BICRA: variants seen among roughly 807,000 people sequenced by gnomAD.
The protein encoded by BICRA is BRD4-interacting chromatin-remodeling complex-associated protein.
BICRA carries 31 observed loss-of-function variants against 96.9 expected under a neutral mutation model. That is an observed-to-expected ratio of 0.32 (90% CI 0.24 to 0.43). The LOEUF is 0.43. Among genes scored for constraint, BICRA ranks in the 20% least tolerant of loss-of-function variants. BICRA has a pLI of 1.00. For missense variants in BICRA, 2,283 were observed against 2,190.3 expected (o/e 1.04, Z -0.84); for synonymous variants, 1,350 against 1,071.8 (o/e 1.26, Z -5.07).
chr19:47,695,164 C>T lies in BICRA; in HGVS notation c.3076+84C>T. On this transcript the variant is annotated intron_variant, in intron 9 of 14. Coordinates refer to ENST00000594866, the MANE Select transcript of BICRA (RefSeq NM_001394372.1). ...GCTGAGCAGGGAGAATGGGCTGGGG[C>T]AGGGCTGTGGGACTCAGCACAGGGC... The T allele has an allele frequency of 5.2e-6, 5 of 960,114 alleles. No homozygotes were observed. In the East Asian group the frequency reaches 1.0e-4, roughly 20 times the overall value. The allele number at this position is 960,114 out of a possible 1,614,324, so 59.5% of individuals were successfully genotyped here.
chr19:47,657,930 C>T (rs1972645424), intron 1 of BICRA, among the ~76,000 whole-genome samples: 1 of 148,764 alleles, frequency 6.7e-6, no homozygotes, highest in African/African-American at 2.5e-5. Context: ...CTCTCTCTCT[C>T]GTTTTTTTTT....
At chr19:47,660,098 A>G (rs1430962836) in intron 1 of BICRA, among the ~76,000 whole-genome samples, 8 of 152,136 alleles carry the variant, frequency 5.3e-5, no homozygotes, top group Admixed American at 5.2e-4. Context: ...CTATTCTCGT[A>G]TAGTTCCAGA....
rs571965447 is a variant in BICRA at position 47,697,001 on chromosome 19, G to A, written c.3248+489G>A. 2.3e-3 allele frequency among the ~76,000 whole-genome samples: 163 copies of A among 71,304 alleles called. 3 individuals are homozygous for A. In the South Asian group the frequency reaches 0.08, roughly 35 times the overall value. 46.8% of individuals were successfully genotyped at this position (71,304 alleles called of 152,430 possible). A position where few individuals can be genotyped will look rare whatever the true frequency, so the allele number is the denominator to read the frequency against. ...CCTCCTTCCACCACCAGGGTTTTTT[G>A]TTTTGTTTTAGGGGGGGTTCTTTGA... On this transcript the variant is annotated intron_variant, in intron 11 of 14. Coordinates refer to ENST00000594866, the MANE Select transcript of BICRA (RefSeq NM_001394372.1).
intron 10 of BICRA, 114 bp from the exon 11 acceptor site, chr19:47,696,337 C>A: frequency 2.1e-6 from 2 of 934,472 alleles, no homozygotes; most frequent in South Asian, 1.6e-5. Context: ...AGGCCCCCAC[C>A]TGGGTGAGAC....
intron 1 of BICRA, among the ~76,000 whole-genome samples, chr19:47,658,475 G>T (rs1286771973): frequency 6.6e-6 from 1 of 151,906 alleles, no homozygotes; most frequent in Non-Finnish European, 1.5e-5. Flanking sequence ...ATGACTTGAG[G>T]TCAGGAGTTC....
At chr19:47,674,557 C>T (rs998757872) in intron 4 of BICRA, among the ~76,000 whole-genome samples, 1 of 152,126 alleles carries the variant, frequency 6.6e-6, no homozygotes, top group African/African-American at 2.4e-5. Context: ...GTCTGAAGGT[C>T]AGGAATCTGG....
At chr19:47,655,035 A>C (rs1424919987) in intron 1 of BICRA, among the ~76,000 whole-genome samples, 4 of 152,140 alleles carry the variant, frequency 2.6e-5, no homozygotes, top group Non-Finnish European at 5.9e-5. Flanking sequence ...AATAACGCAC[A>C]ATGCTTTTCC....
At chr19:47,636,984 C>A (rs1366333525) in intron 1 of BICRA, among the ~76,000 whole-genome samples, 1 of 152,164 alleles carries the variant, frequency 6.6e-6, no homozygotes, top group Non-Finnish European at 1.5e-5. Flanking sequence ...GGCCCTCCTT[C>A]CCCTCCTTAG....
chr19:47,696,642 A>T, intron 11 of BICRA, 130 bp downstream of exon 11: 2 of 769,604 alleles, frequency 2.6e-6, no homozygotes. Context: ...CTTGGTAGCG[A>T]TGTAGTTCCC....
chr19:47,627,736 G>A (rs571704657), intron 1 of BICRA, among the ~76,000 whole-genome samples: 58 of 152,250 alleles, frequency 3.8e-4, no homozygotes, highest in African/African-American at 1.3e-3. Flanking sequence ...AATGCCTACC[G>A]AGTAGGATGA....
At chr19:47,678,590 G>T (rs567542465) in intron 5 of BICRA, among the ~76,000 whole-genome samples, 11 of 152,166 alleles carry the variant, frequency 7.2e-5, no homozygotes. Flanking sequence ...GCCCCGCTGG[G>T]TCTTACTCTT....
chr19:47,702,297 C>G lies in BICRA; in HGVS notation c.4565C>G (p.Ser1522Trp). The G allele has an allele frequency of 6.3e-7, 1 of 1,587,302 alleles. No homozygotes were observed. The highest frequency in any genetic ancestry group is 8.5e-7 in the Non-Finnish European group (1 of 1,173,474). Residue 1522 changes from serine (S) to tryptophan (W), a missense_variant, in exon 15 of 15, where the codon TCG becomes TGG. By Grantham distance (177) the Ser-to-Trp change is radical (BLOSUM62 -3). Coordinates refer to ENST00000594866, the MANE Select transcript of BICRA (RefSeq NM_001394372.1). ...GCCCCCGGCCGGACGCCCGCGCCCT[C>G]GTACCCCCACGCTGCCTCGGCCGGC... ...QQAPGRTPAP[S>W]YPHAASAGTP...
At chr19:47,664,255 G>A (rs971914798) in intron 1 of BICRA, among the ~76,000 whole-genome samples, 2 of 152,100 alleles carry the variant, frequency 1.3e-5, no homozygotes, top group African/African-American at 2.4e-5. Flanking sequence ...TTTTAATTCC[G>A]TATCCTGCTA....
intron 1 of BICRA, among the ~76,000 whole-genome samples, chr19:47,664,256 T>TGC (rs1972743612): frequency 1.3e-5 from 2 of 152,204 alleles, no homozygotes; most frequent in Non-Finnish European, 2.9e-5. Flanking sequence ...TTTAATTCCG[T>TGC]ATCCTGCTAG....
chr19:47,660,408 A>G (rs974872989), intron 1 of BICRA, among the ~76,000 whole-genome samples: 1 of 152,160 alleles, frequency 6.6e-6, no homozygotes, highest in Non-Finnish European at 1.5e-5. Context: ...TATGTCTACA[A>G]AGACCCTTTT....
rs1973001578 is a variant in BICRA at position 47,679,755 on chromosome 19, G to C, written c.585G>C (p.Gln195His). 3 of 1,526,886 alleles carry C rather than the reference G, an allele frequency of 2.0e-6. No individual in the cohort carries two copies. Among genetic ancestry groups the C allele is most frequent in the Non-Finnish European group, 2.6e-6 (3 of 1,137,430 alleles). 94.6% of individuals were successfully genotyped at this position (1,526,886 alleles called of 1,614,324 possible). Reference protein sequence around the residue: ...QDVVNKALSVQPFLQPVGLGN... With the variant: ...QDVVNKALSVHPFLQPVGLGN... ...TGGTCAACAAGGCCCTGAGTGTGCA[G>C]CCCTTCCTGCAGCCTGTGGGCCTGG... The change falls in exon 6 of 15, where the codon CAG becomes CAC. Residue 195 changes from glutamine (Q) to histidine (H), a missense_variant. By Grantham distance (24) the Gln-to-His change is conservative. Coordinates refer to ENST00000594866, the MANE Select transcript of BICRA (RefSeq NM_001394372.1).
chr19:47,687,576 A>G (rs1024384491), intron 7 of BICRA, among the ~76,000 whole-genome samples: 2 of 152,084 alleles, frequency 1.3e-5, no homozygotes, highest in African/African-American at 4.8e-5. Flanking sequence ...GCGGGCAATC[A>G]CCTGAGGTCA....
At chr19:47,648,286 G>A (rs1364725771) in intron 1 of BICRA, among the ~76,000 whole-genome samples, 1 of 151,974 alleles carries the variant, frequency 6.6e-6, no homozygotes. Flanking sequence ...ACCAATCCCT[G>A]GGGTTTCTGG....
chr19:47,694,092 C>CCCA, intron 7 of BICRA, 23 bp from the exon 8 acceptor site: 1 of 1,408,824 alleles, frequency 7.1e-7, no homozygotes, highest in East Asian at 2.8e-5. Flanking sequence ...CGCCCCTCCC[C>CCCA]TCTCCCTCCC....
Sources: gnomAD v4.1 joint callset for allele counts (sites outside exome capture counted in the v4.1 genomes callset) on GRCh38, gnomAD v4.1.1 for gene constraint, MANE v1.5 for transcripts, NCBI Gene and HGNC (gene_info 2026-07-23, HGNC 2026-07-21) for gene names.